Variants in TTYH2 observed in about 807,000 individuals in gnomAD.
TTYH2 encodes protein tweety homolog 2.
In TTYH2, 49 loss-of-function variants were observed where a neutral mutation model predicts 68.3. The ratio of observed to expected loss-of-function variants is 0.72; its 90% confidence interval spans 0.57 to 0.91. The LOEUF (loss-of-function observed/expected upper bound fraction) is 0.91. TTYH2 is among the 40% of genes least tolerant of loss of function. The probability of loss-of-function intolerance (pLI) is 0.00; values close to 1 mark genes in which losing one functional copy is unlikely to be tolerated. For missense variants in TTYH2, 631 were observed against 700.4 expected (o/e 0.90, Z 1.12); for synonymous variants, 272 against 300.8 (o/e 0.90, Z 0.99).
Position 74,215,654 on chromosome 17 carries a change from T to G in TTYH2, c.129+1938T>G, listed in dbSNP as rs760407852. 45 of 1,535,484 alleles carry G rather than the reference T, an allele frequency of 2.9e-5. No homozygotes were observed. The highest frequency in any genetic ancestry group is 9.8e-5 in the Admixed American group (5 of 50,976). ...CAGATCGCTGAGTAGGAGATGAGCG[T>G]GGTGGGCCAGGACCGGAAGTCTGGC... On this transcript the variant is annotated intron_variant, in intron 1 of 13. Transcript: ENST00000269346. This position sits in a 1 kb window ranked among gnomAD's most constrained non-coding sequence, Gnocchi z 4.3.
chr17:74,214,215 G>C lies in TTYH2; in HGVS notation c.129+499G>C, dbSNP rs2050199961. Among the ~76,000 whole-genome samples the C allele has an allele frequency of 6.6e-6, 1 of 152,122 alleles. No individual in the cohort carries two copies. Among genetic ancestry groups the C allele is most frequent in the African/African-American group, 2.4e-5 (1 of 41,432 alleles). ...AGAGTCTCCCGAGTCGGTCTTCGCA[G>C]CACCCCTCCTCCCCAGCCCCGGCCT... On this transcript the variant is annotated intron_variant, in intron 1 of 13. Coordinates refer to ENST00000269346, the MANE Select transcript of TTYH2 (RefSeq NM_032646.6). The surrounding 1 kb of genome is among the most constrained non-coding windows in gnomAD (Gnocchi z 4.6).
Position 74,261,644 on chromosome 17 carries a change from G to A in TTYH2, c.*1435G>A, listed in dbSNP as rs750216404. 4 of 152,536 alleles carry A rather than the reference G, an allele frequency of 2.6e-5. No individual in the cohort carries two copies. Among genetic ancestry groups the A allele is most frequent in the Admixed American group, 1.3e-4 (2 of 15,248 alleles). 9.4% of individuals were successfully genotyped at this position (152,536 alleles called of 1,614,324 possible). On this transcript the variant is annotated 3_prime_UTR_variant, in exon 14 of 14. Transcript: ENST00000269346. ...CTCGCACACTGAAGCAGGGGCGTGC[G>A]GTGACTCGGTGCTTCTGTTTTGGAA...
intron 4 of TTYH2, among the ~76,000 whole-genome samples, chr17:74,237,717 C>A (rs1372014139): frequency 2.6e-5 from 4 of 152,144 alleles, no homozygotes. Flanking sequence ...ATCTCTACCT[C>A]CGGGGTTCAA....
At chr17:74,236,227 C>T (rs2050441767) in intron 3 of TTYH2, among the ~76,000 whole-genome samples, 1 of 152,212 alleles carries the variant, frequency 6.6e-6, no homozygotes, top group Non-Finnish European at 1.5e-5. Flanking sequence ...TGTCCAGGCT[C>T]CTCAGAGACA....
intron 13 of TTYH2, among the ~76,000 whole-genome samples, chr17:74,255,776 A>C (rs2050687618): frequency 6.6e-6 from 1 of 152,210 alleles, no homozygotes; most frequent in Non-Finnish European, 1.5e-5. Flanking sequence ...GGGGAATGAA[A>C]GGCCAGAAGT....
Position 74,215,850 on chromosome 17 carries a change from C to CGT in TTYH2, c.129+2136_129+2137dup. On this transcript the variant is annotated intron_variant, in intron 1 of 13. Coordinates refer to ENST00000269346, the MANE Select transcript of TTYH2 (RefSeq NM_032646.6). This position sits in a 1 kb window ranked among gnomAD's most constrained non-coding sequence, Gnocchi z 4.3. ...TGACTGGAGCAAGTGCTATGCCAGG[C>CGT]GTGGGGTGACCGTGGTAACCAAGGC... is the stretch of plus-strand genomic sequence containing the variant. The CGT allele has an allele frequency of 1.2e-6, 1 of 835,510 alleles. No individual in the cohort carries two copies. The highest frequency in any genetic ancestry group is 1.7e-5 in the South Asian group (1 of 60,326). 51.8% of individuals were successfully genotyped at this position (835,510 alleles called of 1,614,324 possible).
rs745889349 is a variant in TTYH2 at position 74,261,916 on chromosome 17, A to G, written c.*1707A>G. On this transcript the variant is annotated 3_prime_UTR_variant, in exon 14 of 14. Transcript: ENST00000269346. Reference sequence around the variant, plus strand: ...AGAGGGTTGTTTTTAATGCATGGAAACTAAACAGATTCCTCGGGGAGTTCC... The same window carrying G: ...AGAGGGTTGTTTTTAATGCATGGAAGCTAAACAGATTCCTCGGGGAGTTCC... 2.6e-5 allele frequency: 4 copies of G among 152,634 alleles called. No individual in the cohort carries two copies. Among genetic ancestry groups the G allele is most frequent in the Non-Finnish European group, 4.4e-5 (3 of 68,040 alleles). 9.5% of individuals were successfully genotyped at this position (152,634 alleles called of 1,614,324 possible).
intron 6 of TTYH2, among the ~76,000 whole-genome samples, chr17:74,247,286 C>G (rs1384611713): frequency 6.6e-6 from 1 of 152,128 alleles, no homozygotes; most frequent in African/African-American, 2.4e-5. Context: ...CCCACCAGGT[C>G]CCTCCCATAA....
In TTYH2 at chr17:74,229,311, C is replaced by T. The variant is rs548293833; in HGVS notation, c.303-1577C>T. ...TGGGGGCTGGTAAAAGTGCAGGTAA[C>T]CTAGGCCCTCCCCAGATCTACTGCA... On this transcript the variant is annotated intron_variant, in intron 2 of 13. Transcript: ENST00000269346. 2.6e-3 allele frequency among the ~76,000 whole-genome samples: 389 copies of T among 152,266 alleles called. 2 individuals carry two copies. Among genetic ancestry groups the T allele is most frequent in the African/African-American group, 8.7e-3 (362 of 41,542 alleles).
Position 74,238,351 on chromosome 17 carries a change from C to T in TTYH2, c.635+837C>T, listed in dbSNP as rs552469889. Among the ~76,000 whole-genome samples the T allele has an allele frequency of 9.7e-4, 147 of 152,272 alleles. 1 individual carries two copies. The highest frequency in any genetic ancestry group is 3.2e-3 in the African/African-American group (133 of 41,544). ...TGTGCTCCCAGGGCCTGGGCCTAAGCGTGGAGGAGGCACAAGGGAGGAATG... is the reference window on the plus strand; with the variant it reads ...TGTGCTCCCAGGGCCTGGGCCTAAGTGTGGAGGAGGCACAAGGGAGGAATG... On this transcript the variant is annotated intron_variant, in intron 4 of 13. Transcript: ENST00000269346.
chr17:74,215,612 AC>A lies in TTYH2; in HGVS notation c.129+1901del. On this transcript the variant is annotated intron_variant, in intron 1 of 13. Transcript: ENST00000269346. This position sits in a 1 kb window ranked among gnomAD's most constrained non-coding sequence, Gnocchi z 4.3. ...TGCCCACTGGCTCCTGGTCCCGCTC[AC>A]CCCCTCACCACCACTCAGATCGCTG... 1.3e-6 allele frequency: 2 copies of A among 1,535,010 alleles called. No homozygotes were observed. Among genetic ancestry groups the A allele is most frequent in the Non-Finnish European group, 1.7e-6 (2 of 1,146,688 alleles).
In TTYH2 at chr17:74,243,478, C is replaced by A. The variant is rs199841536; in HGVS notation, c.731+9C>A. ...AAGTGTCTCCTGGCCTCGTGAGTAT[C>A]CCTACCCGTGGACCTGGGACAAAGA... On this transcript the variant is annotated intron_variant, in intron 5 of 13. Coordinates refer to ENST00000269346, the MANE Select transcript of TTYH2 (RefSeq NM_032646.6). 1.1e-4 allele frequency: 185 copies of A among 1,613,666 alleles called. No individual in the cohort carries two copies. Among genetic ancestry groups the A allele is most frequent in the Middle Eastern group, 3.3e-4 (2 of 6,062 alleles).
chr17:74,224,263 T>C (rs2050307681), intron 2 of TTYH2, among the ~76,000 whole-genome samples: 1 of 152,078 alleles, frequency 6.6e-6, no homozygotes, highest in Non-Finnish European at 1.5e-5. Flanking sequence ...GAGCCAGGCA[T>C]GGTAGTGCAT....
chr17:74,247,121 G>A (rs1234491883), intron 6 of TTYH2, among the ~76,000 whole-genome samples: 1 of 149,254 alleles, frequency 6.7e-6, no homozygotes, highest in Non-Finnish European at 1.5e-5. Context: ...GGTGGACGTT[G>A]CAGTGAGCCA....
chr17:74,234,038 A>G (rs2050417063), intron 3 of TTYH2, among the ~76,000 whole-genome samples: 1 of 152,154 alleles, frequency 6.6e-6, no homozygotes. Flanking sequence ...CTTCCAGATA[A>G]GCTCACTGAG....
intron 3 of TTYH2, among the ~76,000 whole-genome samples, chr17:74,235,614 G>T (rs2050435229): frequency 6.6e-6 from 1 of 152,224 alleles, no homozygotes; most frequent in South Asian, 2.1e-4. Flanking sequence ...ACATGGCCGG[G>T]CGTGGTGGCT....
Position 74,261,749 on chromosome 17 carries a change from G to A in TTYH2, c.*1540G>A, listed in dbSNP as rs1210645391. 1 of 152,268 alleles carries A rather than the reference G, an allele frequency of 6.6e-6. No homozygotes were observed. The highest frequency in any genetic ancestry group is 1.9e-4 in the East Asian group (1 of 5,192). 9.4% of individuals were successfully genotyped at this position (152,268 alleles called of 1,614,324 possible). On this transcript the variant is annotated 3_prime_UTR_variant, in exon 14 of 14. Transcript: ENST00000269346. ...CCTCCACAACAGAATGGGGCCACAG[G>A]GCAGCCGGGACTCCCTGTCTCACCT...
intron 1 of TTYH2, among the ~76,000 whole-genome samples, chr17:74,219,487 A>ATG (rs1226656944): frequency 6.6e-6 from 1 of 151,826 alleles, no homozygotes; most frequent in East Asian, 1.9e-4. Flanking sequence ...CGTGCGTGGT[A>ATG]TGTGTGTGTG....
At chr17:74,248,696 G>A (rs1041532273) in intron 6 of TTYH2, 20 of 1,234,800 alleles carry the variant, frequency 1.6e-5, no homozygotes, top group African/African-American at 9.1e-5. Context: ...AGAGGCATTC[G>A]GGAATAAGAG....
Sources: allele counts gnomAD v4.1 joint callset (sites outside exome capture counted in the v4.1 genomes callset), GRCh38; gene constraint gnomAD v4.1.1; non-coding constraint Gnocchi (gnomAD v3.1); transcripts MANE v1.5; gene names NCBI Gene and HGNC (gene_info 2026-07-23, HGNC 2026-07-21).